ELMO1: variants seen among roughly 807,000 people sequenced by gnomAD.
ELMO1 encodes engulfment and cell motility protein 1.
A neutral mutation model predicts 98.9 loss-of-function variants in ELMO1; 26 were observed. The ratio of observed to expected loss-of-function variants is 0.26; its 90% CI spans 0.19 to 0.36. The LOEUF is 0.36. ELMO1 is among the 10% of genes least tolerant of loss of function. ELMO1 has a pLI of 1.00. For missense variants in ELMO1, 627 were observed against 935.2 expected, an observed-to-expected ratio of 0.67 and a Z score of 4.30; for synonymous variants, 346 against 346.0, an observed-to-expected ratio of 1.00 and a Z score of 0.00.
intron 20 of ELMO1, 80 bp from the exon 21 acceptor site, chr7:36,861,816 C>T: frequency 7.2e-7 from 1 of 1,380,182 alleles, no homozygotes; most frequent in Admixed American, 1.7e-5. Flanking sequence ...TGCACATTGA[C>T]CATGGCATAG....
chr7:37,349,370 G>A (rs939531014), intron 1 of ELMO1, among the ~76,000 whole-genome samples: 6 of 152,214 alleles, frequency 3.9e-5, no homozygotes, highest in Admixed American at 2.6e-4. Flanking sequence ...GAAAGGGAAA[G>A]GGCTTCAGGA....
chr7:37,284,209 C>T (rs1301358704), intron 4 of ELMO1, among the ~76,000 whole-genome samples: 1 of 152,142 alleles, frequency 6.6e-6, no homozygotes, highest in Non-Finnish European at 1.5e-5. Flanking sequence ...TGTCAATTTG[C>T]TTCAGACCCT....
chr7:37,326,087 G>A (rs1057193137), intron 2 of ELMO1, among the ~76,000 whole-genome samples: 1 of 152,130 alleles, frequency 6.6e-6, no homozygotes, highest in East Asian at 1.9e-4. Context: ...GAAAGGTAAC[G>A]ACAAAGCCCC....
intron 13 of ELMO1, among the ~76,000 whole-genome samples, chr7:37,171,558 T>A (rs1418914345): frequency 8.1e-5 from 10 of 122,902 alleles, no homozygotes; most frequent in African/African-American, 3.1e-4. Context: ...AGTGGCACAA[T>A]CTCGGCTCAC....
intron 1 of ELMO1, among the ~76,000 whole-genome samples, chr7:37,371,334 A>G (rs1802107162): frequency 6.6e-6 from 1 of 152,244 alleles, no homozygotes; most frequent in African/African-American, 2.4e-5. Flanking sequence ...TCTATTTCTT[A>G]GGCTGCATGA....
At chr7:36,868,115 A>C (rs919920186) in intron 20 of ELMO1, among the ~76,000 whole-genome samples, 1 of 152,178 alleles carries the variant, frequency 6.6e-6, no homozygotes, top group Non-Finnish European at 1.5e-5. Context: ...AGTCTCCAAT[A>C]TATTAATAAT....
intron 15 of ELMO1, among the ~76,000 whole-genome samples, chr7:37,014,141 C>T (rs1017888931): frequency 7.2e-5 from 11 of 152,098 alleles, no homozygotes; most frequent in African/African-American, 2.7e-4. Context: ...ACCTAGTGCT[C>T]GGAACTTTAG....
intron 15 of ELMO1, chr7:37,033,257 C>A: frequency 2.5e-6 from 1 of 392,804 alleles, no homozygotes; most frequent in Non-Finnish European, 5.1e-6. Flanking sequence ...GGGCTAAGTC[C>A]AAATTGTTCC....
chr7:37,271,970 A>T, intron 4 of ELMO1, 88 bp from the exon 5 acceptor site: 1 of 1,102,312 alleles, frequency 9.1e-7, no homozygotes, highest in Non-Finnish European at 1.4e-6. Context: ...AGCAGATATA[A>T]CAGGCATTCA....
intron 16 of ELMO1, among the ~76,000 whole-genome samples, chr7:36,928,654 G>A (rs939050341): frequency 1.3e-5 from 2 of 152,156 alleles, no homozygotes; most frequent in African/African-American, 4.8e-5. Flanking sequence ...CATCTTGAAG[G>A]AGCAGGCCGA....
intron 16 of ELMO1, among the ~76,000 whole-genome samples, chr7:37,000,418 A>T (rs1792571664): frequency 6.6e-6 from 1 of 152,208 alleles, no homozygotes; most frequent in Non-Finnish European, 1.5e-5. Flanking sequence ...AAAGAGAAAG[A>T]AGGAAAATAG....
intron 13 of ELMO1, among the ~76,000 whole-genome samples, chr7:37,206,596 T>C (rs1467615122): frequency 2.0e-5 from 3 of 152,236 alleles, no homozygotes; most frequent in Non-Finnish European, 4.4e-5. Flanking sequence ...TTTTGTGTAA[T>C]TATACTTGTG....
rs73123169 is a variant in ELMO1, at chr7:37,183,924, T to C, written c.1086+27462A>G. Among the ~76,000 whole-genome samples the C allele has an allele frequency of 7.7e-3, 1,166 of 152,332 alleles. 10 individuals are homozygous for C. The highest frequency in any genetic ancestry group is 0.012 in the Non-Finnish European group (803 of 68,030). ...CATACAACTTCAGAAATTTTATTTTTTGTTTCTAGAATTTCCATTTGGTTG... is the reference window on the plus strand; with the variant it reads ...CATACAACTTCAGAAATTTTATTTTCTGTTTCTAGAATTTCCATTTGGTTG... On this transcript the variant is annotated intron_variant, in intron 13 of 21. Transcript: ENST00000310758.
chr7:36,891,699 T>C (rs1805566432), intron 17 of ELMO1, among the ~76,000 whole-genome samples: 1 of 152,218 alleles, frequency 6.6e-6, no homozygotes, highest in South Asian at 2.1e-4. Flanking sequence ...GACAATCCAA[T>C]GATGTAGACA....
In ELMO1 at chr7:37,193,689, G is replaced by T. The variant is rs144750356; in HGVS notation, c.1086+17697C>A. On this transcript the variant is annotated intron_variant, in intron 13 of 21. Coordinates refer to ENST00000310758, the MANE Select transcript of ELMO1 (RefSeq NM_014800.11). Reference sequence around the variant, plus strand: ...CGGCGAAAATAGGACTGCACCAATGGCCTGCTACGGGAAGAGTATCAATTG... The same window carrying T: ...CGGCGAAAATAGGACTGCACCAATGTCCTGCTACGGGAAGAGTATCAATTG... Among the ~76,000 whole-genome samples, 11 of 152,296 alleles carry T rather than the reference G, an allele frequency of 7.2e-5. No individual in the cohort carries two copies. The East Asian group carries it at 2.1e-3, about 29-fold the overall frequency.
At chr7:36,959,501 C>T (rs1461143546) in intron 16 of ELMO1, among the ~76,000 whole-genome samples, 1 of 152,104 alleles carries the variant, frequency 6.6e-6, no homozygotes, top group Non-Finnish European at 1.5e-5. Flanking sequence ...AAAGAAGCAG[C>T]CTCAGAAACC....
chr7:37,147,026 G>C (rs1029807014), intron 13 of ELMO1, among the ~76,000 whole-genome samples: 2 of 151,716 alleles, frequency 1.3e-5, no homozygotes, highest in African/African-American at 2.4e-5. Context: ...GGTTCAAAAG[G>C]TCTTTGGTGA....
At chr7:37,047,972 A>G (rs1234889203) in intron 15 of ELMO1, among the ~76,000 whole-genome samples, 2 of 152,204 alleles carry the variant, frequency 1.3e-5, no homozygotes, top group Non-Finnish European at 2.9e-5. Flanking sequence ...ATTTACAATC[A>G]TGGTTTATCT....
intron 14 of ELMO1, among the ~76,000 whole-genome samples, chr7:37,118,700 G>T (rs1230984913): frequency 6.6e-6 from 1 of 152,126 alleles, no homozygotes; most frequent in Non-Finnish European, 1.5e-5. Context: ...CATCATCAAC[G>T]GGCACTAACT....
Sources: gnomAD v4.1 joint callset for allele counts (sites outside exome capture counted in the v4.1 genomes callset) on GRCh38, gnomAD v4.1.1 for gene constraint, MANE v1.5 for transcripts, NCBI Gene and HGNC (gene_info 2026-07-23, HGNC 2026-07-21) for gene names.